The following AGK variants were observed in gnomAD, a reference collection of about 807,000 sequenced individuals.
The protein encoded by AGK is acylglycerol kinase, mitochondrial.
AGK carries 52 observed loss-of-function variants against 66.4 expected under a neutral mutation model. The ratio of observed to expected loss-of-function variants is 0.78; its 90% CI spans 0.63 to 0.99. AGK has a LOEUF of 0.99. AGK is among the 50% of genes least tolerant of loss of function. The pLI is 0.00. For synonymous variants in AGK, 182 were observed against 181.1 expected (o/e 1.00, Z -0.04); for missense variants, 451 against 506.6 (o/e 0.89, Z 1.05).
chr7:141,614,987 G>A (rs535565467), intron 7 of AGK, among the ~76,000 whole-genome samples: 4 of 152,234 alleles, frequency 2.6e-5, no homozygotes, highest in Admixed American at 2.6e-4. Context: ...TTAATTAACT[G>A]CTATGCCAGT....
intron 9 of AGK, among the ~76,000 whole-genome samples, chr7:141,624,814 A>G (rs1389534819): frequency 6.6e-6 from 1 of 152,260 alleles, no homozygotes; most frequent in African/African-American, 2.4e-5. Context: ...AAGCATTGGC[A>G]GGGATTGAGA....
rs1796275367 is a variant in AGK at position 141,598,585 on chromosome 7, TTAAA to T, written c.221+1946_221+1949del. Among the ~76,000 whole-genome samples, 1 of 152,220 alleles carries T rather than the reference TTAAA, an allele frequency of 6.6e-6. No homozygotes were observed. Among genetic ancestry groups the T allele is most frequent in the Admixed American group, 6.5e-5 (1 of 15,278 alleles). On this transcript the variant is annotated intron_variant, in intron 4 of 15. Transcript: ENST00000649286. This position sits in a 1 kb window ranked among gnomAD's most constrained non-coding sequence, Gnocchi z 4.2. ...TTATGTGGAATAGGGACCTTTGGTA[TTAAA>T]TGAGATAATGCTTATTAGGCACTAT... is the stretch of plus-strand genomic sequence containing the variant.
chr7:141,590,978 G>T (rs1796101002), intron 2 of AGK, among the ~76,000 whole-genome samples: 1 of 151,870 alleles, frequency 6.6e-6, no homozygotes, highest in African/African-American at 2.4e-5. Flanking sequence ...ACTTGTGCTG[G>T]ATTTCACAAG....
chr7:141,600,940 C>G (rs1796326706), intron 4 of AGK, among the ~76,000 whole-genome samples: 1 of 152,134 alleles, frequency 6.6e-6, no homozygotes, highest in South Asian at 2.1e-4. Flanking sequence ...AGAGGAACTA[C>G]TTTGTGAACT....
chr7:141,621,784 G>C lies in AGK; in HGVS notation c.571G>C (p.Asp191His). 1 of 1,613,242 alleles carries C rather than the reference G, an allele frequency of 6.2e-7. No homozygotes were observed. The highest frequency in any genetic ancestry group is 8.5e-7 in the Non-Finnish European group (1 of 1,179,376). ...TGTGAAAGGAGAGACAGTTCCACTT[G>C]ATGTCTTGCAGATCAAGGTAAATCT... ...AIVKGETVPL[D>H]VLQIKGEKEQ... Residue 191 changes from aspartate to histidine, a missense_variant, in exon 9 of 16, where the codon GAT becomes CAT. Transcript: ENST00000649286.
At chr7:141,556,349 T>G (rs1014413049) in intron 2 of AGK, among the ~76,000 whole-genome samples, 1 of 152,046 alleles carries the variant, frequency 6.6e-6, no homozygotes, top group African/African-American at 2.4e-5. Context: ...GAGACCAGCC[T>G]GGCCAACATG....
chr7:141,630,945 C>A (rs1373674021), intron 9 of AGK, among the ~76,000 whole-genome samples: 1 of 152,102 alleles, frequency 6.6e-6, no homozygotes, highest in Admixed American at 6.5e-5. Context: ...TTAGTGTGTT[C>A]ACCATTGTGT....
At chr7:141,612,248 C>T (rs531638740) in intron 6 of AGK, among the ~76,000 whole-genome samples, 14 of 152,100 alleles carry the variant, frequency 9.2e-5, no homozygotes, top group Admixed American at 3.3e-4. Context: ...TGTGTGATTC[C>T]GACAATTTGA....
chr7:141,641,141 C>T (rs1797277841), intron 11 of AGK, 107 bp from the exon 12 acceptor site: 4 of 990,564 alleles, frequency 4.0e-6, no homozygotes, highest in Middle Eastern at 4.4e-4. Flanking sequence ...ATTATTAGTT[C>T]ACTTTCTAGC....
intron 8 of AGK, among the ~76,000 whole-genome samples, chr7:141,619,849 A>C (rs982912850): frequency 6.6e-6 from 1 of 152,204 alleles, no homozygotes; most frequent in African/African-American, 2.4e-5. Context: ...ACTTATTCAA[A>C]AGAAATGAAG....
intron 4 of AGK, among the ~76,000 whole-genome samples, chr7:141,599,840 A>C (rs1169596082): frequency 1.3e-5 from 2 of 152,164 alleles, no homozygotes; most frequent in Non-Finnish European, 2.9e-5. Flanking sequence ...AAGGTAGAAA[A>C]TATTTAATTT....
chr7:141,564,667 T>C (rs778519832), intron 2 of AGK, among the ~76,000 whole-genome samples: 11 of 152,214 alleles, frequency 7.2e-5, no homozygotes, highest in Non-Finnish European at 1.3e-4. Flanking sequence ...CATTTCTTTG[T>C]CTTTTGACTC....
chr7:141,610,114 G>A (rs368541190), intron 5 of AGK, among the ~76,000 whole-genome samples: 6 of 152,028 alleles, frequency 3.9e-5, no homozygotes, highest in Non-Finnish European at 5.9e-5. Flanking sequence ...GATTACAGGC[G>A]TGCATCACCA....
chr7:141,596,479 AT>A, intron 3 of AGK, 82 bp from the exon 4 acceptor site: 333 of 1,280,012 alleles, frequency 2.6e-4, no homozygotes, highest in Non-Finnish European at 3.1e-4. Context: ...CTGCAAGTAC[AT>A]TTTTTTTGGA....
chr7:141,609,640 G>A (rs571644092), intron 5 of AGK, among the ~76,000 whole-genome samples: 23 of 152,168 alleles, frequency 1.5e-4, no homozygotes, highest in Non-Finnish European at 2.4e-4. Context: ...AAGCAGGCAT[G>A]ATCAATTAAA....
intron 2 of AGK, among the ~76,000 whole-genome samples, chr7:141,557,191 TTATGA>T (rs1283177429): frequency 6.6e-6 from 1 of 152,226 alleles, no homozygotes; most frequent in Non-Finnish European, 1.5e-5. Flanking sequence ...GAGAATAACT[TTATGA>T]TATAACATGA....
chr7:141,613,639 A>G (rs1040646817), intron 6 of AGK, among the ~76,000 whole-genome samples: 4 of 152,084 alleles, frequency 2.6e-5, no homozygotes, highest in Non-Finnish European at 5.9e-5. Context: ...CAAAATAATA[A>G]TAGTTGTTTA....
chr7:141,583,476 C>T lies in AGK; in HGVS notation c.102-9670C>T, dbSNP rs182322440. Among the ~76,000 whole-genome samples the T allele has an allele frequency of 4.8e-3, 510 of 106,304 alleles. 7 individuals carry two copies. Among genetic ancestry groups the T allele is most frequent in the African/African-American group, 0.015 (385 of 25,538 alleles). 69.7% of individuals were successfully genotyped at this position (106,304 alleles called of 152,430 possible). A position where few individuals can be genotyped will look rare whatever the true frequency, so the allele number is the denominator to read the frequency against. ...GGAGAGAAAAGAGAGGGTAGAGACA[C>T]GAAGAGAAGGGGTGGGCGGTGCTTG... On this transcript the variant is annotated intron_variant, in intron 2 of 15. Transcript: ENST00000649286.
intron 2 of AGK, among the ~76,000 whole-genome samples, chr7:141,556,282 C>T (rs1348205342): frequency 6.6e-6 from 1 of 152,002 alleles, no homozygotes; most frequent in Non-Finnish European, 1.5e-5. Flanking sequence ...CGCAGTGGCT[C>T]ATGCCTGTAA....
Sources: gnomAD v4.1 joint callset for allele counts (sites outside exome capture counted in the v4.1 genomes callset) on GRCh38, gnomAD v4.1.1 for gene constraint, Gnocchi (gnomAD v3.1) non-coding constraint, MANE v1.5 for transcripts, NCBI Gene and HGNC (gene_info 2026-07-23, HGNC 2026-07-21) for gene names.